PRDM1: variants seen among roughly 807,000 people sequenced by gnomAD.
PRDM1 encodes PR/SET domain 1.
In PRDM1, 13 loss-of-function variants were observed where a neutral mutation model predicts 62.8. That is an observed-to-expected ratio of 0.21 (90% CI 0.13 to 0.33). PRDM1 has a LOEUF of 0.33. Ranked by LOEUF, PRDM1 falls within the 10% of genes least tolerant of loss-of-function variation. The pLI is 1.00. For missense variants in PRDM1, 895 were observed against 1,058.8 expected (o/e 0.85, Z 2.15); for synonymous variants, 396 against 417.6 (o/e 0.95, Z 0.63).
chr6:106,004,751 A>G (rs1457516410), intron 1 of PRDM1, among the ~76,000 whole-genome samples: 2 of 152,234 alleles, frequency 1.3e-5, no homozygotes, highest in African/African-American at 4.8e-5. Context: ...TGTTAGAGTC[A>G]TCAAAAGTTA....
At chr6:106,033,552 G>A (rs1772879624) in intron 1 of PRDM1, among the ~76,000 whole-genome samples, 1 of 152,018 alleles carries the variant, frequency 6.6e-6, no homozygotes, top group Non-Finnish European at 1.5e-5. Flanking sequence ...CTGGCCTCAA[G>A]CAATCCTCCC....
At chr6:106,045,362 T>C (rs553263072), upstream of PRDM1, 1 of 151,198 alleles carries the variant, frequency 6.6e-6, no homozygotes, top group African/African-American at 2.5e-5. Flanking sequence ...AAAAAAAAAA[T>C]AGTTTCATAT....
Position 106,104,726 on chromosome 6 carries a change from C to T in PRDM1, c.665-99C>T, listed in dbSNP as rs1774391126. ...AGATATGTGGCGATTGTGTCGCCAG[C>T]TGTTACTCAGGTTTTCTCAAGAAGG... On this transcript the variant is annotated intron_variant, in intron 4 of 6. Transcript: ENST00000369096. 2.9e-6 allele frequency: 4 copies of T among 1,396,922 alleles called. No homozygotes were observed. In the South Asian group the frequency reaches 5.6e-5, roughly 20 times the overall value. 86.5% of individuals were successfully genotyped at this position (1,396,922 alleles called of 1,614,324 possible). A position where few individuals can be genotyped will look rare whatever the true frequency, so the allele number is the denominator to read the frequency against.
upstream of PRDM1, among the ~76,000 whole-genome samples, chr6:106,083,213 G>T (rs1017556049): frequency 9.7e-6 from 1 of 102,818 alleles, no homozygotes; most frequent in African/African-American, 3.7e-5. Flanking sequence ...AAATGGGTGT[G>T]GGGGGTGAGG....
intron 1 of PRDM1, among the ~76,000 whole-genome samples, chr6:105,998,576 A>G (rs536633503): frequency 1.3e-5 from 2 of 152,324 alleles, no homozygotes; most frequent in South Asian, 4.1e-4. Flanking sequence ...TACACATGAC[A>G]GTTAATTTTA....
chr6:106,050,723 G>A (rs1000192093), intron 1 of PRDM1, among the ~76,000 whole-genome samples: 1 of 152,106 alleles, frequency 6.6e-6, no homozygotes, highest in Admixed American at 6.5e-5. Flanking sequence ...CTTCAAACAC[G>A]TATTTTGTAA....
chr6:106,093,013 C>T (rs1014526618), intron 2 of PRDM1, among the ~76,000 whole-genome samples: 11 of 152,174 alleles, frequency 7.2e-5, no homozygotes, highest in African/African-American at 2.4e-4. Context: ...AATATTGAAG[C>T]TCTTTAATTT....
At chr6:106,015,872 T>A (rs1438496276) in intron 1 of PRDM1, among the ~76,000 whole-genome samples, 1 of 152,166 alleles carries the variant, frequency 6.6e-6, no homozygotes, top group Non-Finnish European at 1.5e-5. Context: ...CATCTTCAAG[T>A]ATGCTATTCA....
In PRDM1 at chr6:106,037,386, A is replaced by T. The variant is rs567117192; in HGVS notation, c.-67+43747A>T. ...CTGAATTTCTTAGATGTTTATATTC[A>T]TATCTCTCATCAAATTTGGTCAGTT... On this transcript the variant is annotated intron_variant, in intron 1 of 6. Coordinates refer to the PRDM1 transcript ENST00000652320. Among the ~76,000 whole-genome samples, 8 of 152,258 alleles carry T rather than the reference A, an allele frequency of 5.3e-5. No homozygotes were observed. The East Asian group carries it at 1.5e-3, about 29-fold the overall frequency.
chr6:106,052,045 G>T (rs1773184215), intron 1 of PRDM1, among the ~76,000 whole-genome samples: 2 of 152,154 alleles, frequency 1.3e-5, no homozygotes, highest in African/African-American at 4.8e-5. Context: ...AATGAATAGG[G>T]AGTTATTGTT....
At chr6:106,090,995 TC>T (rs1773945781) in intron 2 of PRDM1, among the ~76,000 whole-genome samples, 1 of 152,188 alleles carries the variant, frequency 6.6e-6, no homozygotes, top group Non-Finnish European at 1.5e-5. Flanking sequence ...TGTTCTTACT[TC>T]CTATTTCCAG....
intron 1 of PRDM1, among the ~76,000 whole-genome samples, chr6:106,013,620 G>C (rs901258530): frequency 2.6e-5 from 4 of 152,098 alleles, no homozygotes; most frequent in Admixed American, 2.6e-4. Flanking sequence ...GAGCCACCAT[G>C]CCCAGCCGAC....
chr6:106,034,605 TAC>T (rs1562149380), intron 1 of PRDM1, among the ~76,000 whole-genome samples: 1 of 151,216 alleles, frequency 6.6e-6, no homozygotes, highest in Non-Finnish European at 1.5e-5. Context: ...GAGATAACAC[TAC>T]AGTCTTACAG....
At chr6:105,999,751 T>C (rs114470286) in intron 1 of PRDM1, among the ~76,000 whole-genome samples, 1,639 of 152,348 alleles carry the variant, frequency 0.011, 34 homozygotes, top group African/African-American at 0.038. Context: ...ATATAAGTTA[T>C]TGAGATTAAA....
At chr6:106,003,471 G>A (rs1413370811) in intron 1 of PRDM1, among the ~76,000 whole-genome samples, 1 of 152,126 alleles carries the variant, frequency 6.6e-6, no homozygotes, top group African/African-American at 2.4e-5. Context: ...CATTTCATTG[G>A]CATACTGTAC....
chr6:106,038,034 T>TTTTTTTTTTTTTTTTTTTTTTTTTTTCA, intron 1 of PRDM1, among the ~76,000 whole-genome samples: 1 of 133,382 alleles, frequency 7.5e-6, no homozygotes, highest in South Asian at 2.6e-4. Flanking sequence ...TTTTTTTTTT[T>TTTTTTTTTTTTTTTTTTTTTTTTTTTCA]GAGACAGAGT....
At chr6:105,997,980 G>C (rs1268757686) in intron 1 of PRDM1, among the ~76,000 whole-genome samples, 2 of 152,140 alleles carry the variant, frequency 1.3e-5, no homozygotes, top group Non-Finnish European at 2.9e-5. Context: ...AAGTAAACTG[G>C]TTGAGTTTAG....
chr6:106,025,502 T>C (rs911116558), intron 1 of PRDM1, among the ~76,000 whole-genome samples: 4 of 152,254 alleles, frequency 2.6e-5, no homozygotes, highest in South Asian at 2.1e-4. Context: ...GGATTGTGTT[T>C]ATTTTTCTGA....
chr6:106,040,415 A>G (rs1772977345), intron 1 of PRDM1, among the ~76,000 whole-genome samples: 1 of 152,202 alleles, frequency 6.6e-6, no homozygotes, highest in African/African-American at 2.4e-5. Context: ...GTCTATCTGC[A>G]GGCCAGGGTG....
Sources: gnomAD v4.1 joint callset for allele counts (sites outside exome capture counted in the v4.1 genomes callset) on GRCh38, gnomAD v4.1.1 for gene constraint, MANE v1.5 for transcripts, NCBI Gene and HGNC (gene_info 2026-07-23, HGNC 2026-07-21) for gene names.